Variants in GRIK4 observed in about 807,000 individuals in gnomAD.
The protein encoded by GRIK4 is glutamate ionotropic receptor kainate type subunit 4, also known as glutamate receptor ionotropic, kainate 4.
A neutral mutation model predicts 104.9 loss-of-function variants in GRIK4; 40 were observed. The ratio of observed to expected loss-of-function variants is 0.38; its 90% CI spans 0.30 to 0.50. The LOEUF (loss-of-function observed/expected upper bound fraction) is 0.50, where lower values mean the gene tolerates loss of function less well. GRIK4 is among the 20% of genes least tolerant of loss of function. GRIK4 has a pLI of 0.93. For synonymous variants in GRIK4, 485 were observed against 524.9 expected (o/e 0.92, Z 1.04); for missense variants, 1,047 against 1,308.1 (o/e 0.80, Z 3.08).
intron 1 of GRIK4, among the ~76,000 whole-genome samples, chr11:120,644,042 T>TGAGA (rs1229687265): frequency 8.5e-6 from 1 of 117,764 alleles, no homozygotes; most frequent in African/African-American, 4.2e-5. Flanking sequence ...TGTGTGTGTG[T>TGAGA]GTGAGAGAGA....
At chr11:120,603,953 G>A (rs1262862624) in intron 1 of GRIK4, among the ~76,000 whole-genome samples, 16 of 151,804 alleles carry the variant, frequency 1.1e-4, no homozygotes, top group Admixed American at 1.1e-3. Flanking sequence ...GGCGGATCAC[G>A]AGGTCAGGAG....
intron 1 of GRIK4, among the ~76,000 whole-genome samples, chr11:120,529,922 C>T (rs979224116): frequency 2.0e-5 from 3 of 152,182 alleles, no homozygotes; most frequent in South Asian, 2.1e-4. Context: ...TGGCATGCCC[C>T]GAGTCACACA....
Position 120,875,186 on chromosome 11 carries a change from C to T in GRIK4, c.1107C>T (p.Gly369=), listed in dbSNP as rs1239446537. 2 of 1,613,632 alleles carry T rather than the reference C, an allele frequency of 1.2e-6. No homozygotes were observed. Among genetic ancestry groups the T allele is most frequent in the South Asian group, 2.2e-5 (2 of 91,072 alleles). The change falls in exon 11 of 21, where the codon GGC becomes GGT. Residue 369 remains glycine (G), a synonymous_variant. Transcript: ENST00000527524. The part of the protein sequence containing the change: ...LTGHIEFNSK[G]QRSNYALKIL... The stretch of plus-strand genomic sequence containing the variant: ...GCCACATTGAATTCAACAGCAAAGG[C>T]CAGAGGTCCAACTACGCTTTGAAAA...
chr11:120,706,180 C>T (rs889479974), intron 3 of GRIK4, among the ~76,000 whole-genome samples: 1 of 152,172 alleles, frequency 6.6e-6, no homozygotes, highest in African/African-American at 2.4e-5. Context: ...GTCCTGAAGT[C>T]CATGGCTCTC....
rs199620498 is a variant in GRIK4 at position 120,917,247 on chromosome 11, C to CAAAAA, written c.1476+11775_1476+11779dup. Among the ~76,000 whole-genome samples the CAAAAA allele has an allele frequency of 4.0e-3, 138 of 34,224 alleles. 1 individual carries two copies. Among genetic ancestry groups the CAAAAA allele is most frequent in the African/African-American group, 5.3e-3 (48 of 9,134 alleles). The allele number at this position is 34,224 out of a possible 152,430, so 22.5% of individuals were successfully genotyped here. A position where few individuals can be genotyped will look rare whatever the true frequency, so the allele number is the denominator to read the frequency against. ...GGGTAACAAGAGCGAAACTCCGTCT[C>CAAAAA]AAAAAAAAAAAAAAAAAAAAAAAAA... On this transcript the variant is annotated intron_variant, in intron 13 of 20. Transcript: ENST00000527524.
chr11:120,715,150 G>A (rs1360203100), intron 3 of GRIK4, among the ~76,000 whole-genome samples: 1 of 152,158 alleles, frequency 6.6e-6, no homozygotes, highest in East Asian at 1.9e-4. Flanking sequence ...CTGGCACGGG[G>A]GCACTAATGC....
rs139834580 is a variant in GRIK4 at position 120,713,138 on chromosome 11, A to G, written c.82+52738A>G. Among the ~76,000 whole-genome samples the G allele has an allele frequency of 4.1e-3, 632 of 152,324 alleles. 5 individuals are homozygous for G. Among genetic ancestry groups the G allele is most frequent in the Admixed American group, 0.015 (230 of 15,300 alleles). On this transcript the variant is annotated intron_variant, in intron 3 of 20. Coordinates refer to ENST00000527524, the MANE Select transcript of GRIK4 (RefSeq NM_014619.5). ...AGCGTGTGGTTCTAAAAACAAATGAAAAAACAAAGCTCATGTTTTCCTCTT... is the reference window on the plus strand; with the variant it reads ...AGCGTGTGGTTCTAAAAACAAATGAGAAAACAAAGCTCATGTTTTCCTCTT...
At chr11:120,569,069 C>T (rs971114801) in intron 1 of GRIK4, among the ~76,000 whole-genome samples, 5 of 152,144 alleles carry the variant, frequency 3.3e-5, no homozygotes, top group African/African-American at 7.2e-5. Context: ...CATTAGTGAG[C>T]GATTTGATTT....
chr11:120,847,000 C>T (rs577659499), intron 8 of GRIK4, among the ~76,000 whole-genome samples: 1 of 152,268 alleles, frequency 6.6e-6, no homozygotes. Context: ...ACCCCCTTAC[C>T]CAGAAGTATC....
intron 13 of GRIK4, among the ~76,000 whole-genome samples, chr11:120,925,928 C>T (rs535956151): frequency 1.4e-4 from 21 of 149,368 alleles, no homozygotes; most frequent in African/African-American, 2.7e-4. Context: ...GAGCCAAGAT[C>T]GCACCACTGT....
In GRIK4 at chr11:120,985,966, C is replaced by T. The variant is rs548035042; in HGVS notation, c.2577C>T (p.Ile859=). The stretch of plus-strand genomic sequence containing the variant: ...GCATTATCCTGTGTCAGGACAGTAT[C>T]CACCCCCGCCGGCGGCGCGCCGCAG... ...LRSIILCQDS[I]HPRRRRAAVP... The change falls in exon 21 of 21, where the codon ATC becomes ATT. Residue 859 remains isoleucine (I), a synonymous_variant. Coordinates refer to ENST00000527524, the MANE Select transcript of GRIK4 (RefSeq NM_014619.5). The T allele has an allele frequency of 1.7e-4, 260 of 1,538,140 alleles. No homozygotes were observed. The highest frequency in any genetic ancestry group is 2.2e-4 in the Non-Finnish European group (252 of 1,142,258).
chr11:120,918,558 C>T (rs963792733), intron 13 of GRIK4, among the ~76,000 whole-genome samples: 2 of 152,198 alleles, frequency 1.3e-5, no homozygotes, highest in African/African-American at 2.4e-5. Context: ...TCACCAAACA[C>T]GTGCTCTGGG....
chr11:120,558,017 C>CAAAAAA (rs59960959), intron 1 of GRIK4, among the ~76,000 whole-genome samples: 6 of 39,626 alleles, frequency 1.5e-4, no homozygotes, highest in Non-Finnish European at 2.3e-4. Context: ...GACTCCGTCT[C>CAAAAAA]AAAAAAAAAA....
intron 19 of GRIK4, 61 bp from the exon 20 acceptor site, chr11:120,982,045 A>G: frequency 1.8e-6 from 2 of 1,114,898 alleles, no homozygotes; most frequent in South Asian, 2.5e-5. Flanking sequence ...TATTTTTGAT[A>G]AAATGATTGT....
chr11:120,540,447 C>A (rs1179962995), intron 1 of GRIK4, among the ~76,000 whole-genome samples: 2 of 151,820 alleles, frequency 1.3e-5, no homozygotes, highest in African/African-American at 4.8e-5. Flanking sequence ...ATGGCAAAAC[C>A]CTGTCTGTAC....
chr11:120,890,025 C>A (rs560138251), intron 11 of GRIK4, among the ~76,000 whole-genome samples: 3 of 152,028 alleles, frequency 2.0e-5, no homozygotes, highest in African/African-American at 7.3e-5. Flanking sequence ...AATCAACTTC[C>A]CAAGACCATG....
At chr11:120,649,192 C>T (rs2135215164) in intron 1 of GRIK4, among the ~76,000 whole-genome samples, 1 of 152,202 alleles carries the variant, frequency 6.6e-6, no homozygotes, top group Middle Eastern at 3.2e-3. Flanking sequence ...TCTAGCTCTG[C>T]TGCCCTCTGC....
intron 1 of GRIK4, among the ~76,000 whole-genome samples, chr11:120,620,873 CAATCCTT>C (rs1949178409): frequency 2.6e-5 from 4 of 152,156 alleles, no homozygotes; most frequent in Admixed American, 2.6e-4. Context: ...CGATCTCATT[CAATCCTT>C]ACAACCATCC....
At chr11:120,650,229 A>G (rs751227331) in intron 1 of GRIK4, among the ~76,000 whole-genome samples, 1 of 152,224 alleles carries the variant, frequency 6.6e-6, no homozygotes, top group Non-Finnish European at 1.5e-5. Context: ...TTCAGGGTTC[A>G]TGGAGAAAAT....
Sources: gnomAD v4.1 joint callset for allele counts (sites outside exome capture counted in the v4.1 genomes callset) on GRCh38, gnomAD v4.1.1 for gene constraint, MANE v1.5 for transcripts, NCBI Gene and HGNC (gene_info 2026-07-23, HGNC 2026-07-21) for gene names.